Variants in CNTN4 observed in about 807,000 individuals in gnomAD.
The protein encoded by CNTN4 is contactin 4.
A neutral mutation model predicts 122.5 loss-of-function variants in CNTN4; 77 were observed. The ratio of observed to expected loss-of-function variants is 0.63; its 90% CI spans 0.52 to 0.76. The LOEUF is 0.76. Ranked by LOEUF, CNTN4 falls within the 30% of genes least tolerant of loss-of-function variation. CNTN4 has a pLI of 0.00. For synonymous variants in CNTN4, 512 were observed against 447.0 expected (o/e 1.15, Z -1.83); for missense variants, 1,256 against 1,259.1 (o/e 1.00, Z 0.04).
At chr3:2,812,947 C>G (rs1177307553) in intron 6 of CNTN4, among the ~76,000 whole-genome samples, 1 of 152,226 alleles carries the variant, frequency 6.6e-6, no homozygotes. Context: ...AGTTCTTCCT[C>G]TTGCTATATA....
intron 2 of CNTN4, among the ~76,000 whole-genome samples, chr3:2,160,436 A>G (rs888629187): frequency 6.6e-5 from 10 of 152,160 alleles, no homozygotes; most frequent in African/African-American, 2.4e-4. Context: ...TTATCTTGCT[A>G]TGACTTCTGG....
chr3:2,972,818 C>T (rs1162210235), intron 13 of CNTN4, among the ~76,000 whole-genome samples: 2 of 150,948 alleles, frequency 1.3e-5, no homozygotes, highest in East Asian at 1.9e-4. Flanking sequence ...AACCCCTCCC[C>T]TTCATATCCT....
chr3:2,238,272 G>A (rs540426684), intron 2 of CNTN4, among the ~76,000 whole-genome samples: 1 of 151,944 alleles, frequency 6.6e-6, no homozygotes, highest in African/African-American at 2.4e-5. Flanking sequence ...GATTTTGACG[G>A]GACTACTTTT....
intron 2 of CNTN4, among the ~76,000 whole-genome samples, chr3:2,187,271 G>A (rs761501810): frequency 3.9e-5 from 6 of 152,068 alleles, no homozygotes; most frequent in Admixed American, 1.3e-4. Flanking sequence ...GGCTCTGTTC[G>A]GTTCCATTGA....
chr3:2,668,118 A>G (rs369683388), intron 4 of CNTN4, among the ~76,000 whole-genome samples: 90 of 152,152 alleles, frequency 5.9e-4, no homozygotes, highest in African/African-American at 2.1e-3. Flanking sequence ...GTTTTTTCCA[A>G]TTCTGTGAAG....
intron 2 of CNTN4, among the ~76,000 whole-genome samples, chr3:2,283,038 T>TAA (rs2041775631): frequency 6.6e-6 from 1 of 152,112 alleles, no homozygotes; most frequent in African/African-American, 2.4e-5. Context: ...TGGAGTTTCT[T>TAA]TAGAGGAAAA....
rs1234227222 is a variant in CNTN4, at chr3:3,056,364, C to T, written c.*144C>T. 3 of 673,178 alleles carry T rather than the reference C, an allele frequency of 4.5e-6. No individual in the cohort carries two copies. The highest frequency in any genetic ancestry group is 3.7e-4 in the Middle Eastern group (1 of 2,704). The allele number at this position is 673,178 out of a possible 1,614,324, so 41.7% of individuals were successfully genotyped here. ...ATGTTTTTTGCTTCTTTAGGAATGG[C>T]ATTATACAGTACTTCCTCAAAGCAA... On this transcript the variant is annotated 3_prime_UTR_variant, in exon 25 of 25. Coordinates refer to ENST00000418658, the MANE Select transcript of CNTN4 (RefSeq NM_175607.3).
At chr3:2,568,133 A>AC (rs2079256537) in intron 3 of CNTN4, among the ~76,000 whole-genome samples, 1 of 152,066 alleles carries the variant, frequency 6.6e-6, no homozygotes, top group Admixed American at 6.6e-5. Context: ...TTAATTCAGC[A>AC]GAGTGTTCAA....
At chr3:2,583,230 T>G (rs1029268688) in intron 4 of CNTN4, among the ~76,000 whole-genome samples, 6 of 152,322 alleles carry the variant, frequency 3.9e-5, no homozygotes, top group South Asian at 2.1e-4. Context: ...CTGGCCATGG[T>G]TGACATAACA....
At chr3:2,887,565 C>G (rs2093993031) in intron 10 of CNTN4, among the ~76,000 whole-genome samples, 1 of 146,972 alleles carries the variant, frequency 6.8e-6, no homozygotes, top group Non-Finnish European at 1.5e-5. Context: ...CCTGATTTAT[C>G]TTTTTTTTTT....
rs957642004 is a variant in CNTN4, at chr3:2,884,963, C to T, written c.755+1716C>T. Among the ~76,000 whole-genome samples, 7 of 152,296 alleles carry T rather than the reference C, an allele frequency of 4.6e-5. No homozygotes were observed. In the South Asian group the frequency reaches 1.4e-3, roughly 32 times the overall value. The stretch of plus-strand genomic sequence containing the variant: ...ATCTCAGTATGGTTATTTTTAAAGG[C>T]ATATATTAAGTGCATATCTCATCAG... On this transcript the variant is annotated intron_variant, in intron 9 of 24. Transcript: ENST00000418658.
At chr3:2,900,969 A>G in intron 11 of CNTN4, 148 bp downstream of exon 11, 1 of 1,011,572 alleles carries the variant, frequency 9.9e-7, no homozygotes, top group South Asian at 1.4e-5. Context: ...AGTGAATGCA[A>G]TTGATAAATA....
intron 3 of CNTN4, among the ~76,000 whole-genome samples, chr3:2,457,185 C>T (rs964280779): frequency 8.6e-5 from 13 of 152,044 alleles, no homozygotes; most frequent in South Asian, 2.1e-4. Flanking sequence ...CTGCTTTTCC[C>T]GGGCATACTT....
chr3:2,484,003 C>G (rs1406882892), intron 3 of CNTN4, among the ~76,000 whole-genome samples: 2 of 151,968 alleles, frequency 1.3e-5, no homozygotes, highest in African/African-American at 4.8e-5. Context: ...AAGATACTGT[C>G]AAGAGAATGA....
At chr3:3,015,486 T>A (rs9852716) in intron 14 of CNTN4, among the ~76,000 whole-genome samples, 21,577 of 152,192 alleles carry the variant, frequency 0.14, 1,852 homozygotes, top group African/African-American at 0.25. Context: ...AAGCTTCATA[T>A]GCTCCTCGGT....
At chr3:3,053,696 C>A in intron 23 of CNTN4, 111 bp from the exon 24 acceptor site, 2 of 1,080,440 alleles carry the variant, frequency 1.9e-6, no homozygotes, top group Non-Finnish European at 2.9e-6. Context: ...AGCCAGACAA[C>A]CTCTACATCC....
chr3:2,822,656 C>T (rs1285037674), intron 7 of CNTN4, among the ~76,000 whole-genome samples: 1 of 152,192 alleles, frequency 6.6e-6, no homozygotes, highest in Non-Finnish European at 1.5e-5. Flanking sequence ...TTAAGAAAAA[C>T]ACCACCACTG....
chr3:3,032,588 A>G (rs1219826960), intron 16 of CNTN4, among the ~76,000 whole-genome samples: 1 of 152,192 alleles, frequency 6.6e-6, no homozygotes, highest in East Asian at 1.9e-4. Flanking sequence ...AATGTATTTC[A>G]CCACCCTGAA....
chr3:2,285,054 A>G (rs1451235526), intron 2 of CNTN4, among the ~76,000 whole-genome samples: 1 of 151,980 alleles, frequency 6.6e-6, no homozygotes, highest in Non-Finnish European at 1.5e-5. Context: ...AGAGAGACAA[A>G]TGATACAAAT....
Sources: gnomAD v4.1 joint callset for allele counts (sites outside exome capture counted in the v4.1 genomes callset) on GRCh38, gnomAD v4.1.1 for gene constraint, MANE v1.5 for transcripts, NCBI Gene and HGNC (gene_info 2026-07-23, HGNC 2026-07-21) for gene names.